MNAT1: variants seen among roughly 807,000 people sequenced by gnomAD.
MNAT1 encodes the protein CDK-activating kinase assembly factor MAT1.
MNAT1 carries 43 observed loss-of-function variants against 42.0 expected under a neutral mutation model. The observed-to-expected ratio is 1.02, with a 90% CI of 0.80 to 1.32. The LOEUF (loss-of-function observed/expected upper bound fraction) is 1.32. MNAT1 is among the 40% of genes most tolerant of loss of function. The pLI, the probability that MNAT1 is intolerant of heterozygous loss-of-function variation, is 0.00. For synonymous variants in MNAT1, 118 were observed against 120.0 expected (o/e 0.98, Z 0.11); for missense variants, 306 against 350.4 (o/e 0.87, Z 1.01).
At chr14:60,766,623 A>C (rs1339849455) in intron 1 of MNAT1, among the ~76,000 whole-genome samples, 2 of 151,706 alleles carry the variant, frequency 1.3e-5, no homozygotes, top group Non-Finnish European at 2.9e-5. Flanking sequence ...GAGGCACGAG[A>C]ATTGCTTGAA....
intron 6 of MNAT1, among the ~76,000 whole-genome samples, chr14:60,873,090 C>T (rs1255653404): frequency 6.6e-6 from 1 of 152,072 alleles, no homozygotes; most frequent in Non-Finnish European, 1.5e-5. Flanking sequence ...CCAATTGTTG[C>T]CAAAATGTTT....
intron 3 of MNAT1, among the ~76,000 whole-genome samples, chr14:60,802,855 C>T (rs1455512736): frequency 6.6e-6 from 1 of 151,216 alleles, no homozygotes; most frequent in East Asian, 1.9e-4. Flanking sequence ...AGTTTTAGAC[C>T]TTTTAAGTTT....
intron 6 of MNAT1, among the ~76,000 whole-genome samples, chr14:60,872,100 T>TA (rs1252315355): frequency 6.6e-6 from 1 of 152,194 alleles, no homozygotes; most frequent in East Asian, 1.9e-4. Context: ...GAAAGATGTT[T>TA]ATTTGGCTCA....
chr14:60,947,704 T>A (rs1164995981), intron 7 of MNAT1, among the ~76,000 whole-genome samples: 1 of 152,134 alleles, frequency 6.6e-6, no homozygotes, highest in African/African-American at 2.4e-5. Flanking sequence ...TTATGTAAAA[T>A]TGCAAGCCTA....
At chr14:60,928,689 AT>A (rs1014828495) in intron 7 of MNAT1, among the ~76,000 whole-genome samples, 2 of 152,060 alleles carry the variant, frequency 1.3e-5, no homozygotes, top group African/African-American at 4.8e-5. Flanking sequence ...AAGTTGGGTC[AT>A]TTGTTTTATT....
rs1175207173 is a variant in MNAT1, at chr14:60,968,356, A to G, written c.*7A>G. 1.2e-6 allele frequency: 2 copies of G among 1,608,764 alleles called. No individual in the cohort carries two copies. Among genetic ancestry groups the G allele is most frequent in the Non-Finnish European group, 1.7e-6 (2 of 1,178,598 alleles). On this transcript the variant is annotated 3_prime_UTR_variant, in exon 8 of 8. Transcript: ENST00000261245. Reference sequence around the variant, plus strand: ...TTTCTGGCAGCCCAGTTAACCATTTATAAGATTTGGACCTTGGAGCTGAAC... The same window carrying G: ...TTTCTGGCAGCCCAGTTAACCATTTGTAAGATTTGGACCTTGGAGCTGAAC...
At chr14:60,788,388 T>A (rs2140319979) in intron 1 of MNAT1, among the ~76,000 whole-genome samples, 1 of 152,286 alleles carries the variant, frequency 6.6e-6, no homozygotes, top group South Asian at 2.1e-4. Context: ...CAGTATAGAT[T>A]TAGCATAATA....
chr14:60,886,639 A>C (rs376975619), intron 7 of MNAT1, among the ~76,000 whole-genome samples: 14 of 152,198 alleles, frequency 9.2e-5, no homozygotes, highest in Admixed American at 5.2e-4. Flanking sequence ...GATTACAAAA[A>C]AGCTAATGTA....
chr14:60,801,908 T>C (rs2032213104), intron 3 of MNAT1, among the ~76,000 whole-genome samples: 1 of 152,078 alleles, frequency 6.6e-6, no homozygotes, highest in Middle Eastern at 3.2e-3. Flanking sequence ...ATAAAGAAAA[T>C]GTGGTACATA....
chr14:60,855,446 G>A (rs1039628583), intron 6 of MNAT1, among the ~76,000 whole-genome samples: 4 of 152,200 alleles, frequency 2.6e-5, no homozygotes, highest in Admixed American at 2.6e-4. Context: ...CCCTGGTGGT[G>A]TAGGCACATG....
chr14:60,876,683 T>C (rs2034443663), intron 6 of MNAT1, among the ~76,000 whole-genome samples: 1 of 152,078 alleles, frequency 6.6e-6, no homozygotes, highest in African/African-American at 2.4e-5. Flanking sequence ...CTTTTTGTCC[T>C]TTTATGCCTG....
At chr14:60,797,863 G>A (rs2032069151) in intron 2 of MNAT1, among the ~76,000 whole-genome samples, 1 of 152,128 alleles carries the variant, frequency 6.6e-6, no homozygotes, top group Admixed American at 6.6e-5. Flanking sequence ...CAGAGAGATG[G>A]AGGTAGCAGT....
chr14:60,832,342 G>T (rs950724662), intron 6 of MNAT1, among the ~76,000 whole-genome samples: 2 of 152,042 alleles, frequency 1.3e-5, no homozygotes, highest in Non-Finnish European at 2.9e-5. Context: ...TCCTTCTTGA[G>T]TTAATTTTTG....
At chr14:60,888,225 C>A (rs571246946) in intron 7 of MNAT1, among the ~76,000 whole-genome samples, 4,547 of 147,378 alleles carry the variant, frequency 0.031, 143 homozygotes, top group African/African-American at 0.078. Flanking sequence ...CCGAATCCAG[C>A]AGCACATCAA....
chr14:60,769,417 A>G (rs1353947033), intron 1 of MNAT1, among the ~76,000 whole-genome samples: 1 of 152,040 alleles, frequency 6.6e-6, no homozygotes, highest in East Asian at 1.9e-4. Flanking sequence ...GACCACAGGC[A>G]TATGCCATCA....
intron 4 of MNAT1, among the ~76,000 whole-genome samples, chr14:60,810,227 G>A (rs563364463): frequency 8.8e-4 from 134 of 152,066 alleles, no homozygotes; most frequent in Middle Eastern, 3.4e-3. Context: ...CTGATTTTGA[G>A]TCTTCTCTCT....
At chr14:60,843,355 C>T (rs1168897572) in intron 6 of MNAT1, among the ~76,000 whole-genome samples, 2 of 152,120 alleles carry the variant, frequency 1.3e-5, no homozygotes, top group African/African-American at 4.8e-5. Context: ...ACTGCAAGCT[C>T]CGCCTCCCGG....
intron 7 of MNAT1, chr14:60,920,107 A>C (rs1468254548): frequency 6.5e-6 from 1 of 152,842 alleles, no homozygotes; most frequent in Non-Finnish European, 1.5e-5. Flanking sequence ...TCAGTCCTAT[A>C]AATGGCAGTG....
rs540273498 is a variant in MNAT1, at chr14:60,742,156, G to T, written c.89+7205G>T. Among the ~76,000 whole-genome samples the T allele has an allele frequency of 1.6e-3, 250 of 152,074 alleles. 2 individuals are homozygous for T. Among genetic ancestry groups the T allele is most frequent in the Admixed American group, 2.5e-3 (38 of 15,262 alleles). On this transcript the variant is annotated intron_variant, in intron 1 of 7. Transcript: ENST00000261245. ...GCTGGAGTGTGGTGGCTTTATCACA[G>T]GTCACTGCAACCTTGAACTCAGGGG...
Sources: gnomAD v4.1 joint callset for allele counts (sites outside exome capture counted in the v4.1 genomes callset) on GRCh38, gnomAD v4.1.1 for gene constraint, MANE v1.5 for transcripts, NCBI Gene and HGNC (gene_info 2026-07-23, HGNC 2026-07-21) for gene names.